Variants in SPON1 observed in about 807,000 individuals in gnomAD.
SPON1 encodes the protein spondin-1.
In SPON1, 52 loss-of-function variants were observed where a neutral mutation model predicts 111.7. The ratio of observed to expected loss-of-function variants is 0.47; its 90% CI spans 0.37 to 0.59. The LOEUF is 0.59. Ranked by LOEUF, SPON1 falls within the 20% of genes least tolerant of loss-of-function variation. The pLI, the probability that SPON1 is intolerant of heterozygous loss-of-function variation, is 0.00. For synonymous variants in SPON1, 410 were observed against 395.8 expected, an observed-to-expected ratio of 1.04 and a Z score of -0.43; for missense variants, 957 against 1,068.5, an observed-to-expected ratio of 0.90 and a Z score of 1.46.
intron 6 of SPON1, among the ~76,000 whole-genome samples, chr11:14,186,583 C>T (rs908473208): frequency 6.6e-6 from 1 of 152,196 alleles, no homozygotes; most frequent in African/African-American, 2.4e-5. Context: ...CCACCCACTC[C>T]AACCAGCCTC....
chr11:14,161,211 A>T lies in SPON1; in HGVS notation c.825+25643A>T, dbSNP rs868979924. Among the ~76,000 whole-genome samples, 11 of 59,014 alleles carry T rather than the reference A, an allele frequency of 1.9e-4. 1 individual carries two copies. The highest frequency in any genetic ancestry group is 2.3e-4 in the Non-Finnish European group (7 of 30,190). The allele number at this position is 59,014 out of a possible 152,430, so 38.7% of individuals were successfully genotyped here. On this transcript the variant is annotated intron_variant, in intron 6 of 15. Transcript: ENST00000576479. ...TATATCTATATATATTTATATATTT[A>T]TATATATCTATATATATTTATATAT...
At chr11:14,232,165 A>G (rs1174158586) in intron 6 of SPON1, among the ~76,000 whole-genome samples, 1 of 151,614 alleles carries the variant, frequency 6.6e-6, no homozygotes, top group African/African-American at 2.4e-5. Flanking sequence ...TTCCTCCACC[A>G]CTCTAAAATT....
At chr11:13,965,895 A>G (rs1304338960) in intron 1 of SPON1, among the ~76,000 whole-genome samples, 2 of 152,142 alleles carry the variant, frequency 1.3e-5, no homozygotes, top group African/African-American at 2.4e-5. Context: ...TAATTTTTTC[A>G]TGAATTAGGA....
At chr11:14,156,169 T>C (rs1554930378) in intron 6 of SPON1, among the ~76,000 whole-genome samples, 1 of 133,516 alleles carries the variant, frequency 7.5e-6, no homozygotes, top group Non-Finnish European at 1.7e-5. Flanking sequence ...TTTCCTGACT[T>C]TTTAATGATT....
intron 6 of SPON1, among the ~76,000 whole-genome samples, chr11:14,140,753 T>C (rs78967404): frequency 1.3e-5 from 2 of 152,264 alleles, no homozygotes; most frequent in East Asian, 3.9e-4. Context: ...GTTCAAGTGA[T>C]GGTGTCTTTA....
chr11:14,064,741 CA>C (rs1848819296), intron 3 of SPON1, among the ~76,000 whole-genome samples: 1 of 152,114 alleles, frequency 6.6e-6, no homozygotes, highest in Admixed American at 6.5e-5. Flanking sequence ...AGGTGATGAT[CA>C]GTCCCCTGGC....
At chr11:14,099,262 G>A (rs193019316) in intron 5 of SPON1, among the ~76,000 whole-genome samples, 21 of 152,150 alleles carry the variant, frequency 1.4e-4, no homozygotes, top group East Asian at 1.2e-3. Context: ...AAATTTACCC[G>A]TGTTAGCTTT....
At chr11:14,060,223 C>T (rs191993016) in intron 3 of SPON1, among the ~76,000 whole-genome samples, 16 of 152,252 alleles carry the variant, frequency 1.1e-4, no homozygotes. Context: ...TATAGAAACT[C>T]GGCCTTCACT....
intron 5 of SPON1, among the ~76,000 whole-genome samples, chr11:14,131,963 T>A (rs143949354): frequency 2.0e-5 from 3 of 152,242 alleles, no homozygotes; most frequent in Non-Finnish European, 4.4e-5. Flanking sequence ...TGTTATTTGG[T>A]TGATGTCATT....
At chr11:14,075,112 G>A (rs1554921286) in intron 3 of SPON1, among the ~76,000 whole-genome samples, 1 of 152,102 alleles carries the variant, frequency 6.6e-6, no homozygotes, top group East Asian at 1.9e-4. Context: ...CTAATATTGA[G>A]TGGAGTGGTT....
At chr11:14,031,771 T>C (rs1848560844) in intron 2 of SPON1, among the ~76,000 whole-genome samples, 1 of 152,124 alleles carries the variant, frequency 6.6e-6, no homozygotes, top group Admixed American at 6.6e-5. Context: ...TTGAAAGCCC[T>C]TTCATAAAAG....
chr11:14,004,913 C>T (rs1848347360), intron 2 of SPON1, among the ~76,000 whole-genome samples: 1 of 152,012 alleles, frequency 6.6e-6, no homozygotes, highest in Admixed American at 6.6e-5. Context: ...CTCAAGTGAT[C>T]CTCCTGCCTG....
At chr11:14,147,766 A>G (rs1292776898) in intron 6 of SPON1, among the ~76,000 whole-genome samples, 1 of 85,910 alleles carries the variant, frequency 1.2e-5, no homozygotes, top group Non-Finnish European at 2.8e-5. Context: ...TTTTTTTTTG[A>G]GAGGAGTCTC....
chr11:14,136,336 A>C (rs1375166447), intron 6 of SPON1, among the ~76,000 whole-genome samples: 1 of 152,202 alleles, frequency 6.6e-6, no homozygotes, highest in Admixed American at 6.5e-5. Context: ...AGCATGTCCC[A>C]CTGCCCACCA....
intron 2 of SPON1, among the ~76,000 whole-genome samples, chr11:14,000,854 C>T (rs937277678): frequency 6.6e-6 from 1 of 152,114 alleles, no homozygotes; most frequent in East Asian, 1.9e-4. Flanking sequence ...ATAGCCACTC[C>T]ACCCCTCATT....
At position 14,135,405 on chromosome 11, in the gene SPON1, G is replaced by A; in HGVS notation, c.677-15G>A. On this transcript the variant is annotated splice_polypyrimidine_tract_variant and intron_variant, in intron 5 of 15. Transcript: ENST00000576479. This position sits in a 1 kb window ranked among gnomAD's most constrained non-coding sequence, Gnocchi z 4.4. ...ACAGCCATGCTGATAACTGCCTCCT[G>A]ATTGGCTTTCCCAGGTCGGGCCAAC... 1.2e-6 allele frequency: 2 copies of A among 1,601,852 alleles called. No individual in the cohort carries two copies. The highest frequency in any genetic ancestry group is 8.5e-7 in the Non-Finnish European group (1 of 1,170,542).
At chr11:14,062,559 A>C (rs782671157) in intron 3 of SPON1, among the ~76,000 whole-genome samples, 38 of 152,320 alleles carry the variant, frequency 2.5e-4, no homozygotes, top group Non-Finnish European at 4.7e-4. Context: ...AGAAGAATCC[A>C]AATTGGCAGG....
chr11:14,057,288 C>T (rs1285763552), intron 3 of SPON1, among the ~76,000 whole-genome samples: 1 of 152,168 alleles, frequency 6.6e-6, no homozygotes, highest in Non-Finnish European at 1.5e-5. Context: ...GCTAGAGATG[C>T]ATAACCTGAA....
At chr11:14,152,196 T>C (rs1462978000) in intron 6 of SPON1, among the ~76,000 whole-genome samples, 2 of 152,178 alleles carry the variant, frequency 1.3e-5, no homozygotes, top group African/African-American at 2.4e-5. Context: ...TTGAATTGAG[T>C]TGAATGCTTT....
Sources: gnomAD v4.1 joint callset for allele counts (sites outside exome capture counted in the v4.1 genomes callset) on GRCh38, gnomAD v4.1.1 for gene constraint, Gnocchi (gnomAD v3.1) non-coding constraint, MANE v1.5 for transcripts, NCBI Gene and HGNC (gene_info 2026-07-23, HGNC 2026-07-21) for gene names.